Variants in GPC6 observed in about 807,000 individuals in gnomAD.
GPC6 encodes the protein glypican 6.
In GPC6, 14 loss-of-function variants were observed where a neutral mutation model predicts 55.2. That is an observed-to-expected ratio of 0.25 (90% confidence interval 0.17 to 0.40). The LOEUF is 0.40. Among genes scored for constraint, GPC6 ranks in the 10% least tolerant of loss-of-function variants. The pLI, the probability that GPC6 is intolerant of heterozygous loss-of-function variation, is 1.00. For missense variants in GPC6, 641 were observed against 708.5 expected (o/e 0.90, Z 1.08); for synonymous variants, 278 against 259.6 (o/e 1.07, Z -0.68).
At chr13:94,226,475 A>C (rs944839) in intron 4 of GPC6, among the ~76,000 whole-genome samples, 149,455 of 152,246 alleles carry the variant, frequency 0.98, 73,372 homozygotes, top group East Asian at 1. Context: ...GTGATGGATA[A>C]ACTGATTACC....
chr13:93,990,960 A>AGAAG (rs148428200), intron 3 of GPC6, among the ~76,000 whole-genome samples: 2,640 of 150,412 alleles, frequency 0.018, 75 homozygotes, highest in East Asian at 0.059. Context: ...AAGGAAGGAA[A>AGAAG]GAAGGAAGGA....
chr13:94,114,133 G>T (rs1236013369), intron 4 of GPC6, among the ~76,000 whole-genome samples: 1 of 126,848 alleles, frequency 7.9e-6, no homozygotes, highest in Middle Eastern at 4.8e-3. Flanking sequence ...AAGCAAGATG[G>T]TGTTCTTATT....
intron 1 of GPC6, among the ~76,000 whole-genome samples, chr13:93,241,884 A>G (rs1876443292): frequency 6.6e-6 from 1 of 150,632 alleles, no homozygotes. Flanking sequence ...ATGATTCCCT[A>G]GCTTTGGGTC....
At chr13:94,149,066 T>C (rs1402138358) in intron 4 of GPC6, among the ~76,000 whole-genome samples, 2 of 152,172 alleles carry the variant, frequency 1.3e-5, no homozygotes, top group East Asian at 3.8e-4. Flanking sequence ...TCCTGGAATT[T>C]GCAAAACACA....
At chr13:94,256,194 C>A (rs28436956) in intron 4 of GPC6, among the ~76,000 whole-genome samples, 5 of 152,018 alleles carry the variant, frequency 3.3e-5, no homozygotes, top group African/African-American at 1.2e-4. Context: ...TGACAGTAGC[C>A]AAGAAGGAGC....
chr13:93,285,375 A>G (rs562800626), intron 1 of GPC6, among the ~76,000 whole-genome samples: 3 of 152,194 alleles, frequency 2.0e-5, no homozygotes, highest in Non-Finnish European at 4.4e-5. Context: ...GGGAAAAATG[A>G]CAATCTTTAC....
intron 1 of GPC6, among the ~76,000 whole-genome samples, chr13:93,349,296 T>A (rs562150126): frequency 6.6e-6 from 1 of 152,236 alleles, no homozygotes; most frequent in African/African-American, 2.4e-5. Flanking sequence ...AGTTGTATCA[T>A]TGATGACATG....
intron 2 of GPC6, among the ~76,000 whole-genome samples, chr13:93,754,503 A>G (rs1015058928): frequency 9.9e-5 from 15 of 152,150 alleles, no homozygotes; most frequent in Admixed American, 7.2e-4. Flanking sequence ...GTACAAGAAA[A>G]TGACACATAT....
intron 2 of GPC6, among the ~76,000 whole-genome samples, chr13:93,728,911 G>A (rs1316661842): frequency 6.6e-6 from 1 of 152,228 alleles, no homozygotes; most frequent in South Asian, 2.1e-4. Flanking sequence ...CATGGACTTT[G>A]CTTTTCTAGA....
intron 7 of GPC6, among the ~76,000 whole-genome samples, chr13:94,390,977 G>A (rs543056801): frequency 5.9e-5 from 9 of 152,258 alleles, no homozygotes; most frequent in Admixed American, 3.3e-4. Flanking sequence ...AAACTGGCTC[G>A]TGAGTCTTTT....
intron 1 of GPC6, among the ~76,000 whole-genome samples, chr13:93,233,918 A>C (rs907468848): frequency 2.0e-5 from 3 of 152,210 alleles, no homozygotes; most frequent in Non-Finnish European, 4.4e-5. Context: ...TTTTCACAGC[A>C]GACCTGAACC....
intron 6 of GPC6, among the ~76,000 whole-genome samples, chr13:94,367,590 G>A (rs779229622): frequency 2.0e-5 from 3 of 152,140 alleles, no homozygotes; most frequent in Non-Finnish European, 4.4e-5. Flanking sequence ...CCAGGATTTT[G>A]CCTGAAAAGG....
intron 2 of GPC6, among the ~76,000 whole-genome samples, chr13:93,553,820 C>G (rs1281467296): frequency 1.3e-5 from 2 of 150,582 alleles, no homozygotes. Flanking sequence ...TTCTGAATTT[C>G]CATAATAAAG....
chr13:94,185,214 A>T (rs1317208180), intron 4 of GPC6, among the ~76,000 whole-genome samples: 3 of 151,184 alleles, frequency 2.0e-5, no homozygotes, highest in Admixed American at 6.6e-5. Flanking sequence ...TGGGTGCGGT[A>T]TACCCATGTG....
chr13:93,548,754 T>C (rs1874962729), intron 2 of GPC6, among the ~76,000 whole-genome samples: 1 of 152,186 alleles, frequency 6.6e-6, no homozygotes, highest in Admixed American at 6.5e-5. Context: ...AGGATTAGCC[T>C]AGCATTCATA....
intron 6 of GPC6, among the ~76,000 whole-genome samples, chr13:94,335,268 C>T (rs1432093811): frequency 6.6e-6 from 1 of 152,120 alleles, no homozygotes; most frequent in Non-Finnish European, 1.5e-5. Flanking sequence ...CAGGAAAAAG[C>T]CTTTCAAATT....
chr13:94,101,627 T>A (rs1412098947), intron 4 of GPC6, among the ~76,000 whole-genome samples: 1 of 152,360 alleles, frequency 6.6e-6, no homozygotes, highest in East Asian at 1.9e-4. Flanking sequence ...GCAACTGTGT[T>A]TTGAATAATG....
chr13:93,486,556 T>G (rs1436456159), intron 1 of GPC6, among the ~76,000 whole-genome samples: 1 of 152,162 alleles, frequency 6.6e-6, no homozygotes, highest in Non-Finnish European at 1.5e-5. Flanking sequence ...TAAACATTGT[T>G]TATATCCAAA....
At chr13:93,657,755 C>CA (rs1354257987) in intron 2 of GPC6, among the ~76,000 whole-genome samples, 1 of 151,502 alleles carries the variant, frequency 6.6e-6, no homozygotes, top group Non-Finnish European at 1.5e-5. Flanking sequence ...AAATCAACAA[C>CA]AAAAAACCAA....
Sources: allele counts gnomAD v4.1 joint callset (sites outside exome capture counted in the v4.1 genomes callset), GRCh38; gene constraint gnomAD v4.1.1; transcripts MANE v1.5; gene names NCBI Gene and HGNC (gene_info 2026-07-23, HGNC 2026-07-21).